Variants in NEMP2 observed in about 807,000 individuals in gnomAD.
NEMP2 encodes nuclear envelope integral membrane protein 2, also known as UPF0571 transmembrane protein.
A neutral mutation model predicts 54.2 loss-of-function variants in NEMP2; 53 were observed. That is an observed-to-expected ratio of 0.98 (90% CI 0.78 to 1.23). The LOEUF is 1.23. NEMP2 is among the 50% of genes most tolerant of loss of function. NEMP2 has a pLI of 0.00. For missense variants in NEMP2, 455 were observed against 511.3 expected (o/e 0.89, Z 1.06); for synonymous variants, 197 against 190.3 (o/e 1.04, Z -0.29).
the NEMP2 span, among the ~76,000 whole-genome samples, chr2:190,432,113 T>A: frequency 1.3e-5 from 2 of 152,248 alleles, no homozygotes; most frequent in African/African-American, 4.8e-5. Context: ...AAGGTCTTGA[T>A]AACTCTGAGT....
chr2:190,465,996 C>A, the NEMP2 span, among the ~76,000 whole-genome samples: 1 of 152,124 alleles, frequency 6.6e-6, no homozygotes, highest in African/African-American at 2.4e-5. This position sits in a 1 kb window ranked among gnomAD's most constrained non-coding sequence, Gnocchi z 4.6. Context: ...TATTTCTTCA[C>A]AGTTCTGGAG....
At chr2:190,451,955 T>C in the NEMP2 span, among the ~76,000 whole-genome samples, 1 of 152,246 alleles carries the variant, frequency 6.6e-6, no homozygotes, top group African/African-American at 2.4e-5. This position sits in a 1 kb window ranked among gnomAD's most constrained non-coding sequence, Gnocchi z 5.0. Context: ...AGGTCCATTT[T>C]TCTTCATTCT....
At chr2:190,478,513 G>A in the NEMP2 span, among the ~76,000 whole-genome samples, 1 of 152,162 alleles carries the variant, frequency 6.6e-6, no homozygotes, top group Non-Finnish European at 1.5e-5. Context: ...TGCTAGTTTG[G>A]ATTCGTCTGC....
In NEMP2 at chr2:190,521,489, T is replaced by G. The variant is rs1431980419; in HGVS notation, c.214-2306A>C. Among the ~76,000 whole-genome samples, 5 of 152,224 alleles carry G rather than the reference T, an allele frequency of 3.3e-5. No individual in the cohort carries two copies. Among genetic ancestry groups the G allele is most frequent in the Non-Finnish European group, 5.9e-5 (4 of 68,040 alleles). On this transcript the variant is annotated intron_variant, in intron 2 of 8. Transcript: ENST00000409150. This position sits in a 1 kb window ranked among gnomAD's most constrained non-coding sequence, Gnocchi z 6.2. ...TCTTCCCTCTCTACGAGATTATTTC[T>G]CTCAGCATACAACATTTAAAAAAGA...
Position 190,514,531 on chromosome 2 carries a change from A to T in NEMP2, c.875T>A (p.Phe292Tyr). ...GAGGAGGATTATGGCTGCATAGGCA[A>T]ACTGAGGCACGGCCACACCAGCATA... ...LVYAGVAVPQ[F>Y]AYAAIILLMS... Residue 292 changes from phenylalanine to tyrosine, a missense_variant, in exon 7 of 9, where the codon TTT becomes TAT. This residue lies in a region of NEMP2 where 294 missense variants were observed against 333.6 expected (regional missense o/e 0.88). Coordinates refer to ENST00000409150, the MANE Select transcript of NEMP2 (RefSeq NM_001142645.2). The surrounding 1 kb of genome is among the most constrained non-coding windows in gnomAD (Gnocchi z 5.7). 1 of 1,551,722 alleles carries T rather than the reference A, an allele frequency of 6.4e-7. No homozygotes were observed. The highest frequency in any genetic ancestry group is 8.7e-7 in the Non-Finnish European group (1 of 1,146,992).
At chr2:190,477,528 CA>C in the NEMP2 span, 11 of 209,438 alleles carry the variant, frequency 5.3e-5, no homozygotes, top group Non-Finnish European at 8.3e-5. Context: ...GGTTAAAGAA[CA>C]ACAGAATAAT....
upstream of NEMP2, among the ~76,000 whole-genome samples, chr2:190,535,469 A>G (rs1279013431): frequency 1.3e-5 from 2 of 152,224 alleles, no homozygotes; most frequent in East Asian, 3.8e-4. Flanking sequence ...ATTAGGAGAT[A>G]TACATATATT....
At chr2:190,465,907 C>A in the NEMP2 span, among the ~76,000 whole-genome samples, 1 of 152,284 alleles carries the variant, frequency 6.6e-6, no homozygotes, top group East Asian at 1.9e-4. This position sits in a 1 kb window ranked among gnomAD's most constrained non-coding sequence, Gnocchi z 4.6. Flanking sequence ...GCAGAAGAAT[C>A]GCTTGAATCC....
the NEMP2 span, among the ~76,000 whole-genome samples, chr2:190,637,328 G>A: frequency 6.6e-6 from 1 of 152,108 alleles, no homozygotes; most frequent in African/African-American, 2.4e-5. The surrounding 1 kb of genome is among the most constrained non-coding windows in gnomAD (Gnocchi z 4.5). Context: ...TCTCTTAGTT[G>A]TATCTACTAT....
At chr2:190,545,245 CA>C in the NEMP2 span, among the ~76,000 whole-genome samples, 107,421 of 152,042 alleles carry the variant, frequency 0.71, 39,135 homozygotes, top group Admixed American at 0.79. Context: ...CCGATCTCAC[CA>C]ACTCCACTTC....
the NEMP2 span, chr2:190,498,060 T>C: frequency 4.9e-6 from 1 of 203,232 alleles, no homozygotes; most frequent in Non-Finnish European, 1.0e-5. This position sits in a 1 kb window ranked among gnomAD's most constrained non-coding sequence, Gnocchi z 5.9. Context: ...AAAATTCTAG[T>C]GGGGGCATTA....
chr2:190,427,933 C>T, the NEMP2 span, among the ~76,000 whole-genome samples: 1 of 152,082 alleles, frequency 6.6e-6, no homozygotes, highest in African/African-American at 2.4e-5. Context: ...GGTTTCACCA[C>T]GTTGATCAGA....
chr2:190,430,734 C>T, the NEMP2 span, among the ~76,000 whole-genome samples: 7 of 151,234 alleles, frequency 4.6e-5, 1 homozygote, highest in South Asian at 2.1e-4. Flanking sequence ...ACTTCCCAGA[C>T]GGGGTGGTGG....
At position 190,532,265 on chromosome 2, in the gene NEMP2, G is replaced by GT. The variant is rs959564447; in HGVS notation, c.97+2293dup. Among the ~76,000 whole-genome samples, 4 of 152,116 alleles carry GT rather than the reference G, an allele frequency of 2.6e-5. No homozygotes were observed. In the South Asian group the frequency reaches 8.3e-4, roughly 32 times the overall value. On this transcript the variant is annotated intron_variant, in intron 1 of 8. Transcript: ENST00000409150. ...AAAGGTAACTATTCTCTTAACCTCA[G>GT]TTTTTTTTAACCTGAATATTCATCT...
At chr2:190,634,956 G>A in the NEMP2 span, among the ~76,000 whole-genome samples, 3 of 152,188 alleles carry the variant, frequency 2.0e-5, no homozygotes, top group South Asian at 2.1e-4. This position sits in a 1 kb window ranked among gnomAD's most constrained non-coding sequence, Gnocchi z 6.8. Flanking sequence ...CCTGCCTCCT[G>A]TGACACATCT....
the NEMP2 span, among the ~76,000 whole-genome samples, chr2:190,646,582 A>G: frequency 0.24 from 36,228 of 152,150 alleles, 4,422 homozygotes; most frequent in Middle Eastern, 0.25. Flanking sequence ...CACTTCCCCC[A>G]GCACCACAGG....
At chr2:190,438,472 C>T in the NEMP2 span, among the ~76,000 whole-genome samples, 1 of 152,184 alleles carries the variant, frequency 6.6e-6, no homozygotes, top group East Asian at 1.9e-4. The surrounding 1 kb of genome is among the most constrained non-coding windows in gnomAD (Gnocchi z 5.2). Flanking sequence ...GTCAAGATCA[C>T]ACCACTGCAC....
At chr2:190,538,337 G>A (rs1454530292), upstream of NEMP2, among the ~76,000 whole-genome samples, 2 of 151,966 alleles carry the variant, frequency 1.3e-5, no homozygotes, top group Non-Finnish European at 2.9e-5. The surrounding 1 kb of genome is among the most constrained non-coding windows in gnomAD (Gnocchi z 4.1). Flanking sequence ...ATATTCCATT[G>A]TGTATATATG....
At chr2:190,451,853 G>A in the NEMP2 span, among the ~76,000 whole-genome samples, 2 of 152,224 alleles carry the variant, frequency 1.3e-5, no homozygotes. The surrounding 1 kb of genome is among the most constrained non-coding windows in gnomAD (Gnocchi z 5.0). Flanking sequence ...TTAGCAGGAG[G>A]TGATATAACT....
Sources: gnomAD v4.1 joint callset for allele counts (sites outside exome capture counted in the v4.1 genomes callset) on GRCh38, gnomAD v4.1.1 for gene constraint, gnomAD v4.1.1 regional missense constraint, Gnocchi (gnomAD v3.1) non-coding constraint, MANE v1.5 for transcripts, NCBI Gene and HGNC (gene_info 2026-07-23, HGNC 2026-07-21) for gene names.